The following DNAJB11 variants were observed in gnomAD, a reference collection of about 807,000 sequenced individuals.
DNAJB11 encodes the protein DnaJ heat shock protein family (Hsp40) member B11, also known as dnaJ homolog subfamily B member 11.
DNAJB11 carries 30 observed loss-of-function variants against 47.2 expected under a neutral mutation model. The ratio of observed to expected loss-of-function variants is 0.64; its 90% CI spans 0.48 to 0.86. DNAJB11 has a LOEUF of 0.86. DNAJB11 is among the 40% of genes least tolerant of loss of function. The pLI, the probability that DNAJB11 is intolerant of heterozygous loss-of-function variation, is 0.00. For synonymous variants in DNAJB11, 151 were observed against 159.9 expected (o/e 0.94, Z 0.42); for missense variants, 357 against 440.2 (o/e 0.81, Z 1.69).
intron 4 of DNAJB11, chr3:186,579,709 T>G (rs1223576333): frequency 1.3e-5 from 2 of 152,334 alleles, no homozygotes; most frequent in Admixed American, 1.3e-4. Flanking sequence ...GCCCACTGGT[T>G]TTAACTGTGT....
chr3:186,584,360 T>C (rs1715597107), intron 8 of DNAJB11, 70 bp from the exon 9 acceptor site: 26 of 1,434,586 alleles, frequency 1.8e-5, no homozygotes, highest in Non-Finnish European at 5.5e-6. Flanking sequence ...GTACCAGTGC[T>C]CACTAGAAGC....
At chr3:186,576,745 C>A (rs917899972) in intron 3 of DNAJB11, among the ~76,000 whole-genome samples, 11 of 152,024 alleles carry the variant, frequency 7.2e-5, no homozygotes, top group Non-Finnish European at 1.3e-4. Flanking sequence ...GTGTGAGTAA[C>A]ATGATTAGGA....
rs371489134 is a variant in DNAJB11 at position 186,583,994 on chromosome 3, C to A, written c.852+18C>A. ...GTCACAAGGTAAACAAACCAATTTACTCGTTCTGCATCCTTTTGAAGCCTT... is the reference window on the plus strand; with the variant it reads ...GTCACAAGGTAAACAAACCAATTTAATCGTTCTGCATCCTTTTGAAGCCTT... On this transcript the variant is annotated intron_variant, in intron 8 of 9. Coordinates refer to ENST00000265028, the MANE Select transcript of DNAJB11 (RefSeq NM_016306.6). 6 of 1,557,508 alleles carry A rather than the reference C, an allele frequency of 3.9e-6. No homozygotes were observed. Among genetic ancestry groups the A allele is most frequent in the Non-Finnish European group, 1.8e-6 (2 of 1,129,232 alleles).
At chr3:186,581,642 G>T in intron 5 of DNAJB11, 129 bp downstream of exon 5, 1 of 1,091,210 alleles carries the variant, frequency 9.2e-7, no homozygotes, top group South Asian at 1.8e-5. Context: ...CAAAAGGATA[G>T]AGCAAAACAA....
Position 186,570,924 on chromosome 3 carries a change from T to A in DNAJB11, c.27T>A (p.Phe9Leu), listed in dbSNP as rs538824536. The A allele has an allele frequency of 2.1e-5, 33 of 1,603,750 alleles. No individual in the cohort carries two copies. In the South Asian group the frequency reaches 3.6e-4, roughly 17 times the overall value. MAPQNLST[F>L]CLLLLYLIGA... ...TGGCTCCGCAGAACCTGAGCACCTT[T>A]TGCCTGTTGCTGCTATACCTCATCG... Residue 9 changes from phenylalanine to leucine, a missense_variant, in exon 1 of 10, where the codon TTT (phenylalanine) becomes TTA (leucine). Coordinates refer to ENST00000265028, the MANE Select transcript of DNAJB11 (RefSeq NM_016306.6).
At chr3:186,575,635 G>A (rs917007928) in intron 2 of DNAJB11, among the ~76,000 whole-genome samples, 3 of 152,172 alleles carry the variant, frequency 2.0e-5, no homozygotes, top group Non-Finnish European at 2.9e-5. Flanking sequence ...CATGAATGGA[G>A]CAATGTGGAA....
chr3:186,580,268 G>A (rs761967159), intron 4 of DNAJB11: 12 of 152,102 alleles, frequency 7.9e-5, no homozygotes, highest in African/African-American at 1.2e-4. Context: ...GTAACCCCAT[G>A]CTAAATTCTT....
intron 2 of DNAJB11, among the ~76,000 whole-genome samples, chr3:186,575,120 A>G (rs2108476334): frequency 6.6e-6 from 1 of 152,314 alleles, no homozygotes; most frequent in East Asian, 1.9e-4. Context: ...ATTTCAAGCA[A>G]TGAAATTGAC....
intron 2 of DNAJB11, among the ~76,000 whole-genome samples, chr3:186,573,543 G>A (rs180943639): frequency 5.9e-4 from 90 of 152,036 alleles, no homozygotes; most frequent in African/African-American, 2.0e-3. Context: ...GCACCACCAT[G>A]CCCAGCTAAT....
intron 9 of DNAJB11, 65 bp from the exon 10 acceptor site, chr3:186,585,279 C>A: frequency 7.5e-7 from 1 of 1,330,166 alleles, no homozygotes; most frequent in Non-Finnish European, 1.1e-6. Context: ...TTGAAATATG[C>A]TCTTTAAACG....
At chr3:186,582,664 T>A in intron 6 of DNAJB11, 52 bp from the exon 7 acceptor site, 1 of 1,431,268 alleles carries the variant, frequency 7.0e-7, no homozygotes, top group Non-Finnish European at 9.7e-7. Flanking sequence ...CAAATAGATT[T>A]GTGGTATTCA....
chr3:186,582,319 A>G (rs907625402), intron 6 of DNAJB11, among the ~76,000 whole-genome samples: 1 of 152,242 alleles, frequency 6.6e-6, no homozygotes, highest in Non-Finnish European at 1.5e-5. Flanking sequence ...CCTAAGTTTC[A>G]TCAAAATTTA....
Position 186,584,643 on chromosome 3 carries a change from G to A in DNAJB11, c.1012+54G>A, listed in dbSNP as rs1039304136. 1.1e-5 allele frequency: 14 copies of A among 1,232,236 alleles called. No individual in the cohort carries two copies. The East Asian group carries it at 3.6e-4, about 31-fold the overall frequency. The allele number at this position is 1,232,236 out of a possible 1,614,324, so 76.3% of individuals were successfully genotyped here. A position where few individuals can be genotyped will look rare whatever the true frequency, so the allele number is the denominator to read the frequency against. On this transcript the variant is annotated intron_variant, in intron 9 of 9. Coordinates refer to ENST00000265028, the MANE Select transcript of DNAJB11 (RefSeq NM_016306.6). ...TGTGTTTGTGTGTGTGTATGTGTGT[G>A]TGTGTGAGATGAGAAAAGGATGGCA...
chr3:186,570,864 G>A lies in DNAJB11; in HGVS notation c.-34G>A, dbSNP rs766724299. ...ACGCGGCGGCGGAGGAGGCTGTGAG[G>A]AGTGTGTGGAACAGGACCCGGGACA... On this transcript the variant is annotated 5_prime_UTR_variant, in exon 1 of 10. Transcript: ENST00000265028. The A allele has an allele frequency of 3.1e-6, 5 of 1,588,398 alleles. No individual in the cohort carries two copies. Among genetic ancestry groups the A allele is most frequent in the Admixed American group, 1.8e-5 (1 of 56,794 alleles).
At chr3:186,576,264 A>C (rs1032782841) in intron 3 of DNAJB11, among the ~76,000 whole-genome samples, 6 of 152,178 alleles carry the variant, frequency 3.9e-5, no homozygotes, top group Admixed American at 6.5e-5. Flanking sequence ...AATGAGCAAA[A>C]TTATTGTTAG....
intron 1 of DNAJB11, 124 bp from the exon 2 acceptor site, chr3:186,571,971 A>G (rs763526735): frequency 1.3e-6 from 1 of 752,452 alleles, no homozygotes. Flanking sequence ...GTGTCACATA[A>G]ACCTTCATTT....
At position 186,570,841 on chromosome 3, in the gene DNAJB11, G is replaced by A; in HGVS notation, c.-57G>A. On this transcript the variant is annotated 5_prime_UTR_variant, in exon 1 of 10. Coordinates refer to ENST00000265028, the MANE Select transcript of DNAJB11 (RefSeq NM_016306.6). The stretch of plus-strand genomic sequence containing the variant: ...GGGCCGGGTGGGCTGGCGAGCCGAC[G>A]CGGCGGCGGAGGAGGCTGTGAGGAG... 6.5e-7 allele frequency: 1 copy of A among 1,538,434 alleles called. No individual in the cohort carries two copies. The highest frequency in any genetic ancestry group is 8.8e-7 in the Non-Finnish European group (1 of 1,133,870).
Position 186,582,776 on chromosome 3 carries a change from A to G in DNAJB11, c.740+3A>G. On this transcript the variant is annotated splice_donor_region_variant and intron_variant, in intron 7 of 9. Coordinates refer to ENST00000265028, the MANE Select transcript of DNAJB11 (RefSeq NM_016306.6). ...CGGTTCCGAATCAAAGTTGTCAAGT[A>G]AGTAATCTAATTTTAGAGGTCTTCT... 6.4e-7 allele frequency: 1 copy of G among 1,573,264 alleles called. No individual in the cohort carries two copies. Among genetic ancestry groups the G allele is most frequent in the Non-Finnish European group, 8.6e-7 (1 of 1,156,858 alleles).
chr3:186,579,804 C>T (rs1715419333), intron 4 of DNAJB11: 1 of 152,168 alleles, frequency 6.6e-6, no homozygotes, highest in Non-Finnish European at 1.5e-5. Flanking sequence ...CAGTTCAAAA[C>T]AGCCCTCTAT....
Sources: gnomAD v4.1 joint callset for allele counts (sites outside exome capture counted in the v4.1 genomes callset) on GRCh38, gnomAD v4.1.1 for gene constraint, MANE v1.5 for transcripts, NCBI Gene and HGNC (gene_info 2026-07-23, HGNC 2026-07-21) for gene names.